Variants in CTPS2 observed in about 807,000 individuals in gnomAD.
CTPS2 encodes the protein CTP synthase 2.
A neutral mutation model predicts 46.8 loss-of-function variants in CTPS2; 19 were observed. The observed-to-expected ratio is 0.41, with a 90% CI of 0.28 to 0.60. The LOEUF (loss-of-function observed/expected upper bound fraction) is 0.60, where lower values mean the gene tolerates loss of function less well. Among genes scored for constraint, CTPS2 ranks in the 20% least tolerant of loss-of-function variants. CTPS2 has a pLI of 0.35. For synonymous variants in CTPS2, 151 were observed against 165.2 expected, an observed-to-expected ratio of 0.91 and a Z score of 0.66; for missense variants, 286 against 447.6, an observed-to-expected ratio of 0.64 and a Z score of 3.26.
At chrX:16,655,411 T>G (rs868577067) in intron 13 of CTPS2, among the ~76,000 whole-genome samples, 13 of 111,809 alleles carry the variant, frequency 1.2e-4, no homozygotes, top group African/African-American at 4.2e-4. Flanking sequence ...GTTCCACTTT[T>G]TGCGTCCAGC....
intron 14 of CTPS2, among the ~76,000 whole-genome samples, chrX:16,625,099 A>G (rs1185275836): frequency 8.9e-6 from 1 of 111,889 alleles, no homozygotes; most frequent in East Asian, 2.8e-4. Flanking sequence ...ATATCCCCCC[A>G]AAAAAGCTAC....
At chrX:16,654,907 A>T (rs1461278264) in intron 13 of CTPS2, among the ~76,000 whole-genome samples, 1 of 110,623 alleles carries the variant, frequency 9.0e-6, no homozygotes, top group Non-Finnish European at 1.9e-5. Flanking sequence ...AAATAAAAAT[A>T]AAAATAAAAA....
intron 13 of CTPS2, among the ~76,000 whole-genome samples, chrX:16,656,755 C>T (rs1367516737): frequency 3.6e-5 from 4 of 111,384 alleles, no homozygotes; most frequent in South Asian, 3.8e-4. Flanking sequence ...ATACTGAAGG[C>T]GTTTCAAACA....
intron 4 of CTPS2, among the ~76,000 whole-genome samples, 153 bp from the exon 5 acceptor site, chrX:16,693,640 T>C (rs1466962802): frequency 9.0e-6 from 1 of 110,703 alleles, no homozygotes; most frequent in Non-Finnish European, 1.9e-5. Flanking sequence ...ATCACTAAAT[T>C]GTGGCTGGGT....
intron 8 of CTPS2, 104 bp from the exon 9 acceptor site, chrX:16,683,330 G>T: frequency 1.2e-6 from 1 of 851,499 alleles, no homozygotes. Context: ...TTAAATCCTC[G>T]GGAGCAGCTG....
At chrX:16,625,929 A>C (rs769994171) in intron 14 of CTPS2, among the ~76,000 whole-genome samples, 1 of 111,479 alleles carries the variant, frequency 9.0e-6, no homozygotes, top group South Asian at 3.8e-4. Flanking sequence ...TGGCGGGCCA[A>C]AAGGCAACAT....
At chrX:16,678,992 G>A (rs746516380) in intron 9 of CTPS2, among the ~76,000 whole-genome samples, 1 of 111,315 alleles carries the variant, frequency 9.0e-6, no homozygotes, top group Non-Finnish European at 1.9e-5. Flanking sequence ...GCCGAGAGGA[G>A]AGCAGAAGCA....
chrX:16,617,101 CA>C, intron 16 of CTPS2, 48 bp downstream of exon 16: 1 of 1,031,077 alleles, frequency 9.7e-7, no homozygotes, highest in South Asian at 2.0e-5. Flanking sequence ...CTGTGGTCCA[CA>C]AAAAGGCAAG....
chrX:16,637,186 T>G (rs1275315910), intron 14 of CTPS2, among the ~76,000 whole-genome samples: 1 of 109,325 alleles, frequency 9.1e-6, no homozygotes, highest in Non-Finnish European at 1.9e-5. Flanking sequence ...TCCTCCCACC[T>G]CAGCCTCCCA....
rs184624473 is a variant in CTPS2 at position 16,629,585 on chromosome X, G to A, written c.1394-9253C>T. Among the ~76,000 whole-genome samples, 390 of 109,627 alleles carry A rather than the reference G, an allele frequency of 3.6e-3. 1 individual carries two copies. Among genetic ancestry groups the A allele is most frequent in the African/African-American group, 0.012 (354 of 30,006 alleles). ...TTTTTCCCCTGCTCTAATGTTTCACGAACATTCAATGTTGGTTTTGGTTTT... is the reference window on the plus strand; with the variant it reads ...TTTTTCCCCTGCTCTAATGTTTCACAAACATTCAATGTTGGTTTTGGTTTT... On this transcript the variant is annotated intron_variant, in intron 14 of 18. Transcript: ENST00000359276.
At chrX:16,630,435 G>A (rs1450070359) in intron 14 of CTPS2, among the ~76,000 whole-genome samples, 1 of 109,133 alleles carries the variant, frequency 9.2e-6, no homozygotes, top group Non-Finnish European at 1.9e-5. Flanking sequence ...TGTATTTTTA[G>A]TAGAGATGGG....
At chrX:16,600,872 G>A (rs945043275) in intron 17 of CTPS2, among the ~76,000 whole-genome samples, 4 of 111,898 alleles carry the variant, frequency 3.6e-5, no homozygotes, top group Non-Finnish European at 7.5e-5. Context: ...GTAACAAAGC[G>A]GGGAAAGTGG....
intron 1 of CTPS2, among the ~76,000 whole-genome samples, chrX:16,709,269 A>C (rs1237711217): frequency 1.8e-5 from 2 of 109,805 alleles, no homozygotes. Context: ...CTCTACTAAA[A>C]TACAAAAAAT....
chrX:16,688,679 T>C (rs765130358), intron 8 of CTPS2, among the ~76,000 whole-genome samples: 2 of 111,582 alleles, frequency 1.8e-5, no homozygotes, highest in Admixed American at 1.9e-4. Flanking sequence ...AGTTAATGAA[T>C]GCAGGATGAA....
chrX:16,609,592 G>A lies in CTPS2; in HGVS notation c.1640C>T (p.Ala547Val). 1 of 1,211,401 alleles carries A rather than the reference G, an allele frequency of 8.3e-7. No individual in the cohort carries two copies. Among genetic ancestry groups the A allele is most frequent in the Non-Finnish European group, 1.1e-6 (1 of 895,200 alleles). Residue 547 changes from alanine to valine, a missense_variant, in exon 17 of 19, where the codon GCA becomes GTA. Physicochemically the swap from Ala to Val is moderately conservative, Grantham distance 64. Transcript: ENST00000359276. The stretch of plus-strand genomic sequence containing the variant: ...CAAGTAGGCATTCAGGTTCCCAGTT[G>A]CTGCAAGTAACAGCCCCAGATACGG... ...SPPYLGLLLAATGNLNAYLQQ... is the reference protein window; with the variant it reads ...SPPYLGLLLAVTGNLNAYLQQ...
At chrX:16,616,738 A>T (rs894990239) in intron 16 of CTPS2, among the ~76,000 whole-genome samples, 1 of 112,047 alleles carries the variant, frequency 8.9e-6, no homozygotes, top group African/African-American at 3.2e-5. Flanking sequence ...TCTGTCACCC[A>T]GGCTGGAGTG....
At chrX:16,688,363 G>A (rs1321867765) in intron 8 of CTPS2, among the ~76,000 whole-genome samples, 2 of 109,244 alleles carry the variant, frequency 1.8e-5, no homozygotes, top group African/African-American at 3.3e-5. Context: ...TCGCACCACT[G>A]CACTCCAGCC....
intron 16 of CTPS2, among the ~76,000 whole-genome samples, chrX:16,611,672 C>T (rs1009095614): frequency 1.8e-5 from 2 of 111,178 alleles, no homozygotes; most frequent in Non-Finnish European, 3.8e-5. Context: ...TGGACTAGTT[C>T]TATCATTGCA....
chrX:16,617,927 T>A (rs58588493), intron 15 of CTPS2, among the ~76,000 whole-genome samples: 1,392 of 112,248 alleles, frequency 0.012, 30 homozygotes, highest in African/African-American at 0.042. Context: ...CCAGTTCTCG[T>A]ATTGTCATTA....
Sources: gnomAD v4.1 joint callset for allele counts (sites outside exome capture counted in the v4.1 genomes callset) on GRCh38, gnomAD v4.1.1 for gene constraint, MANE v1.5 for transcripts, NCBI Gene and HGNC (gene_info 2026-07-23, HGNC 2026-07-21) for gene names.